The following ALK variants were observed in gnomAD, a reference collection of about 807,000 sequenced individuals.
ALK encodes the protein ALK receptor tyrosine kinase, also known as ALK tyrosine kinase receptor.
In ALK, 74 loss-of-function variants were observed where a neutral mutation model predicts 163.1. The observed-to-expected ratio is 0.45, with a 90% CI of 0.38 to 0.55. The LOEUF (loss-of-function observed/expected upper bound fraction) is 0.55. ALK is among the 20% of genes least tolerant of loss of function. The probability of loss-of-function intolerance (pLI) is 0.00; values close to 1 mark genes in which losing one functional copy is unlikely to be tolerated. For synonymous variants in ALK, 960 were observed against 843.2 expected (o/e 1.14, Z -2.40); for missense variants, 2,063 against 2,105.3 (o/e 0.98, Z 0.39).
At chr2:29,579,331 T>TA (rs1674611897) in intron 3 of ALK, among the ~76,000 whole-genome samples, 1 of 152,184 alleles carries the variant, frequency 6.6e-6, no homozygotes, top group Admixed American at 6.5e-5. Flanking sequence ...CCTGCACCAA[T>TA]AGCTGTCTTT....
intron 1 of ALK, among the ~76,000 whole-genome samples, chr2:29,727,837 G>T (rs1234741421): frequency 7.3e-5 from 11 of 150,046 alleles, no homozygotes. Flanking sequence ...GTTACCCTTG[G>T]CCTCATGCAG....
intron 27 of ALK, among the ~76,000 whole-genome samples, chr2:29,197,233 C>G (rs550562592): frequency 6.6e-6 from 1 of 152,106 alleles, no homozygotes; most frequent in Non-Finnish European, 1.5e-5. Flanking sequence ...CACAGACATA[C>G]GGTGTAGGGC....
At chr2:29,245,093 A>C (rs1183426138) in intron 12 of ALK, among the ~76,000 whole-genome samples, 1 of 151,056 alleles carries the variant, frequency 6.6e-6, no homozygotes, top group African/African-American at 2.4e-5. Flanking sequence ...TGCACACAGT[A>C]GGGGCTCCAT....
At chr2:29,777,081 G>C (rs1312902136) in intron 1 of ALK, among the ~76,000 whole-genome samples, 4 of 152,170 alleles carry the variant, frequency 2.6e-5, no homozygotes, top group Non-Finnish European at 5.9e-5. Context: ...ACTACAGCAA[G>C]GGCAGGGCCT....
intron 3 of ALK, among the ~76,000 whole-genome samples, chr2:29,651,920 T>G (rs1677048160): frequency 6.6e-6 from 1 of 152,154 alleles, no homozygotes; most frequent in Non-Finnish European, 1.5e-5. Context: ...GAAGTGTGCA[T>G]GTATGCAAGG....
intron 19 of ALK, among the ~76,000 whole-genome samples, chr2:29,225,085 T>C (rs560668445): frequency 5.9e-4 from 90 of 152,212 alleles, no homozygotes; most frequent in African/African-American, 2.2e-3. Flanking sequence ...GCTAGTGCAT[T>C]ACATAGGGTG....
Position 29,617,072 on chromosome 2 carries a change from C to T in ALK, c.952+77778G>A, listed in dbSNP as rs192412267. On this transcript the variant is annotated intron_variant, in intron 3 of 28. Coordinates refer to ENST00000389048, the MANE Select transcript of ALK (RefSeq NM_004304.5). Reference sequence around the variant, plus strand: ...GAGGCATAAAACACAGCCCACCCTTCCCCTCTTTGAAAAGAAAGCACCTTA... The same window carrying T: ...GAGGCATAAAACACAGCCCACCCTTTCCCTCTTTGAAAAGAAAGCACCTTA... Among the ~76,000 whole-genome samples the T allele has an allele frequency of 2.4e-3, 371 of 152,260 alleles. 1 individual carries two copies. Among genetic ancestry groups the T allele is most frequent in the Non-Finnish European group, 3.6e-3 (244 of 68,016 alleles).
chr2:29,778,408 T>C (rs1444521042), intron 1 of ALK, among the ~76,000 whole-genome samples: 1 of 152,192 alleles, frequency 6.6e-6, no homozygotes, highest in Non-Finnish European at 1.5e-5. Context: ...AGACTAAATT[T>C]CGGTTCAAAT....
At chr2:29,596,969 C>T (rs1206814740) in intron 3 of ALK, among the ~76,000 whole-genome samples, 1 of 152,172 alleles carries the variant, frequency 6.6e-6, no homozygotes, top group Non-Finnish European at 1.5e-5. Flanking sequence ...TACTGAATTC[C>T]TCCCCAGAGG....
At position 29,915,858 on chromosome 2, in the gene ALK, AC is replaced by A. The variant is rs1314062008; in HGVS notation, c.667+4134del. Among the ~76,000 whole-genome samples the A allele has an allele frequency of 3.9e-5, 6 of 152,178 alleles. No homozygotes were observed. The East Asian group carries it at 1.2e-3, about 29-fold the overall frequency. On this transcript the variant is annotated intron_variant, in intron 1 of 28. Coordinates refer to ENST00000389048, the MANE Select transcript of ALK (RefSeq NM_004304.5). ...CCAAACCCCTGGATATACAGATCGCACCCCAGAGAAATAATCTATGTTTAAT... is the reference window on the plus strand; with the variant it reads ...CCAAACCCCTGGATATACAGATCGCACCCAGAGAAATAATCTATGTTTAAT...
At chr2:29,609,217 C>T (rs1037289032) in intron 3 of ALK, among the ~76,000 whole-genome samples, 5 of 152,206 alleles carry the variant, frequency 3.3e-5, no homozygotes, top group Non-Finnish European at 7.3e-5. Flanking sequence ...AGCCACCATG[C>T]CCAGACTATT....
chr2:29,590,697 C>T (rs1675023720), intron 3 of ALK, among the ~76,000 whole-genome samples: 1 of 152,106 alleles, frequency 6.6e-6, no homozygotes, highest in East Asian at 1.9e-4. Flanking sequence ...CCTCTTACCC[C>T]CATCCTGCTT....
At chr2:29,820,013 G>A (rs535006375) in intron 1 of ALK, among the ~76,000 whole-genome samples, 1 of 152,326 alleles carries the variant, frequency 6.6e-6, no homozygotes, top group African/African-American at 2.4e-5. Flanking sequence ...GAGCGTGATG[G>A]TTTTTAAATA....
chr2:29,267,083 T>A (rs1395593000), intron 11 of ALK, among the ~76,000 whole-genome samples: 3 of 150,664 alleles, frequency 2.0e-5, no homozygotes, highest in Non-Finnish European at 4.4e-5. Context: ...ACTAGAAGAC[T>A]CTCTCTCTCT....
At chr2:29,652,749 G>A (rs1204594957) in intron 3 of ALK, among the ~76,000 whole-genome samples, 3 of 152,214 alleles carry the variant, frequency 2.0e-5, no homozygotes, top group East Asian at 3.9e-4. Flanking sequence ...AAAGAACAGG[G>A]TTCAGAGAGC....
chr2:29,684,897 C>T (rs1217298509), intron 3 of ALK, among the ~76,000 whole-genome samples: 6 of 152,110 alleles, frequency 3.9e-5, no homozygotes, highest in Non-Finnish European at 7.4e-5. Flanking sequence ...TTCATTTCTC[C>T]GAGCTTCTAA....
At chr2:29,595,296 A>T (rs764532131) in intron 3 of ALK, among the ~76,000 whole-genome samples, 1 of 150,390 alleles carries the variant, frequency 6.6e-6, no homozygotes, top group East Asian at 1.9e-4. Flanking sequence ...TGGTTTCTTC[A>T]CTGAGATCTG....
At chr2:29,475,456 A>G (rs4453650) in intron 4 of ALK, among the ~76,000 whole-genome samples, 76,742 of 151,552 alleles carry the variant, frequency 0.51, 20,407 homozygotes, top group South Asian at 0.62. Context: ...TTTTCCCAGA[A>G]TCCCTCCCTC....
chr2:29,508,804 T>C lies in ALK; in HGVS notation c.1154+23111A>G, dbSNP rs555706326. The stretch of plus-strand genomic sequence containing the variant: ...ATCCCTGACCTATTGAATCAGAACA[T>C]GCATTTTACTAGATCCCCAGGTGAT... On this transcript the variant is annotated intron_variant, in intron 4 of 28. Coordinates refer to ENST00000389048, the MANE Select transcript of ALK (RefSeq NM_004304.5). 3.9e-4 allele frequency among the ~76,000 whole-genome samples: 56 copies of C among 142,288 alleles called. 1 individual carries two copies. In the Middle Eastern group the frequency reaches 0.012, roughly 30 times the overall value. The allele number at this position is 142,288 out of a possible 152,430, so 93.3% of individuals were successfully genotyped here.
Sources: gnomAD v4.1 joint callset for allele counts (sites outside exome capture counted in the v4.1 genomes callset) on GRCh38, gnomAD v4.1.1 for gene constraint, MANE v1.5 for transcripts, NCBI Gene and HGNC (gene_info 2026-07-23, HGNC 2026-07-21) for gene names.